The following MTHFD2L variants were observed in gnomAD, a reference collection of about 807,000 sequenced individuals.
The protein encoded by MTHFD2L is methylenetetrahydrofolate dehydrogenase (NADP+ dependent) 2 like.
MTHFD2L carries 29 observed loss-of-function variants against 34.9 expected under a neutral mutation model. The observed-to-expected ratio is 0.83, with a 90% confidence interval of 0.62 to 1.13. The LOEUF (loss-of-function observed/expected upper bound fraction) is 1.13, where lower values mean the gene tolerates loss of function less well. MTHFD2L is among the 50% of genes most tolerant of loss of function. The pLI is 0.00. For missense variants in MTHFD2L, 481 were observed against 446.5 expected, an observed-to-expected ratio of 1.08 and a Z score of -0.70; for synonymous variants, 167 against 155.7, an observed-to-expected ratio of 1.07 and a Z score of -0.54.
At chr4:74,206,851 G>A (rs916517465) in intron 5 of MTHFD2L, among the ~76,000 whole-genome samples, 1 of 152,096 alleles carries the variant, frequency 6.6e-6, no homozygotes, top group Admixed American at 6.6e-5. Flanking sequence ...GTTACTAACT[G>A]TCATAAGAGG....
At chr4:74,281,324 C>T (rs1012940806) in intron 6 of MTHFD2L, 101 bp from the exon 7 acceptor site, 49 of 867,568 alleles carry the variant, frequency 5.6e-5, no homozygotes, top group Admixed American at 1.3e-4. Context: ...ATTACACATA[C>T]GTGTGTGTGT....
At chr4:74,187,944 A>T (rs1731642598) in intron 3 of MTHFD2L, among the ~76,000 whole-genome samples, 1 of 152,220 alleles carries the variant, frequency 6.6e-6, no homozygotes, top group Non-Finnish European at 1.5e-5. Context: ...GTGATAACTA[A>T]AAACTAGAAA....
chr4:74,201,244 C>T lies in MTHFD2L; in HGVS notation c.605-19C>T. 6.3e-7 allele frequency: 1 copy of T among 1,594,526 alleles called. No homozygotes were observed. The highest frequency in any genetic ancestry group is 1.7e-5 in the Admixed American group (1 of 59,672). ...TCTTGTTGTCAATTCTGCATTTAAA[C>T]CGAACTCTGTATTTTAAGGAATTCA... On this transcript the variant is annotated intron_variant, in intron 4 of 7. Transcript: ENST00000325278.
In MTHFD2L at chr4:74,158,221, C is replaced by T; in HGVS notation, c.83C>T (p.Ser28Phe). The part of the protein sequence containing the change: ...APALGRSTAP[S>F]VRAPGEPGSA... ...GCGTTGGGCAGAAGCACAGCACCCTCCGTAAGGGCACCGGGAGAGCCCGGG... is the reference window on the plus strand; with the variant it reads ...GCGTTGGGCAGAAGCACAGCACCCTTCGTAAGGGCACCGGGAGAGCCCGGG... Residue 28 changes from serine (S) to phenylalanine (F), a missense_variant, in exon 1 of 8, where the codon TCC (serine) becomes TTC (phenylalanine). Ser to Phe is a radical substitution (Grantham distance 155, BLOSUM62 -2). Transcript: ENST00000325278. 1.3e-6 allele frequency: 2 copies of T among 1,508,656 alleles called. No homozygotes were observed. The highest frequency in any genetic ancestry group is 8.9e-7 in the Non-Finnish European group (1 of 1,129,198). The allele number at this position is 1,508,656 out of a possible 1,614,324, so 93.5% of individuals were successfully genotyped here.
At chr4:74,267,048 T>G (rs1032500816) in intron 6 of MTHFD2L, 1 of 985,398 alleles carries the variant, frequency 1.0e-6, no homozygotes, top group Non-Finnish European at 1.2e-6. Context: ...TCTTTTCAAC[T>G]AATATACCTC....
Position 74,118,145 on chromosome 4 carries a change from G to A in MTHFD2L, c.-144+3488G>A, listed in dbSNP as rs569735866. ...TGATTCTATTAAATAACATTATTAA[G>A]TTAATGAACAAATAATTAAGCTTAG... On this transcript the variant is annotated intron_variant and NMD_transcript_variant, in intron 2 of 9. Coordinates refer to the MTHFD2L transcript ENST00000429519. 5.3e-5 allele frequency among the ~76,000 whole-genome samples: 8 copies of A among 152,210 alleles called. 2 individuals are homozygous for A. The highest frequency in any genetic ancestry group is 1.7e-4 in the African/African-American group (7 of 41,532).
intron 3 of MTHFD2L, among the ~76,000 whole-genome samples, chr4:74,177,068 TCA>T (rs1012942084): frequency 6.6e-6 from 1 of 151,946 alleles, no homozygotes; most frequent in African/African-American, 2.4e-5. Flanking sequence ...TCAGAAGCTA[TCA>T]GTTTTCCCCC....
intron 2 of MTHFD2L, among the ~76,000 whole-genome samples, chr4:74,115,053 T>C (rs1182631314): frequency 6.6e-6 from 1 of 152,178 alleles, no homozygotes; most frequent in Admixed American, 6.5e-5. Context: ...TCACAGTAAG[T>C]GTTTTATTAA....
In MTHFD2L at chr4:74,117,592, T is replaced by C. The variant is rs113355528; in HGVS notation, c.-144+2935T>C. ...GTTATATGCAGGATCTATATATAGA[T>C]CAATAGCTTCCCTGAGCACATGTTC... On this transcript the variant is annotated intron_variant and NMD_transcript_variant, in intron 2 of 9. Transcript: ENST00000429519. 9.6e-3 allele frequency among the ~76,000 whole-genome samples: 1,460 copies of C among 152,296 alleles called. 19 individuals are homozygous for C. The highest frequency in any genetic ancestry group is 0.034 in the African/African-American group (1,393 of 41,554).
At chr4:74,175,832 CTAATT>C (rs958220194) in intron 3 of MTHFD2L, among the ~76,000 whole-genome samples, 18 of 151,984 alleles carry the variant, frequency 1.2e-4, no homozygotes, top group Non-Finnish European at 1.8e-4. Context: ...TTAGTACACT[CTAATT>C]TAAAACATTA....
intron 6 of MTHFD2L, among the ~76,000 whole-genome samples, chr4:74,232,421 C>G (rs982616142): frequency 6.6e-6 from 1 of 152,042 alleles, no homozygotes; most frequent in Non-Finnish European, 1.5e-5. Flanking sequence ...CTTTATCCAC[C>G]GTCCCAGTCT....
At chr4:74,301,659 A>G (rs1750343837) in intron 7 of MTHFD2L, 38 bp from the exon 8 acceptor site, 9 of 1,228,050 alleles carry the variant, frequency 7.3e-6, no homozygotes, top group Non-Finnish European at 8.1e-6. Context: ...CAGATATTTT[A>G]AAATAAAGAA....
intron 5 of MTHFD2L, among the ~76,000 whole-genome samples, chr4:74,203,734 G>A (rs931388997): frequency 6.6e-6 from 1 of 152,066 alleles, no homozygotes; most frequent in African/African-American, 2.4e-5. Context: ...CCATGATCCA[G>A]TTACCTCCCA....
intron 1 of MTHFD2L, among the ~76,000 whole-genome samples, chr4:74,172,212 A>C (rs1282661666): frequency 6.6e-6 from 1 of 152,206 alleles, no homozygotes; most frequent in Non-Finnish European, 1.5e-5. Context: ...AAAATTTTAA[A>C]GGTGCACCTG....
chr4:74,182,848 A>G (rs1730453661), intron 3 of MTHFD2L: 1 of 152,210 alleles, frequency 6.6e-6, no homozygotes, highest in Non-Finnish European at 1.5e-5. Flanking sequence ...TTTCTGTTGC[A>G]TTGTTCTTGG....
At chr4:74,281,400 G>T in intron 6 of MTHFD2L, 25 bp from the exon 7 acceptor site, 2 of 1,605,046 alleles carry the variant, frequency 1.2e-6, no homozygotes, top group South Asian at 2.2e-5. Context: ...TATGCTGAAG[G>T]ACAAACAACT....
At chr4:74,126,372 A>G (rs1310448695) in intron 1 of MTHFD2L, among the ~76,000 whole-genome samples, 1 of 152,162 alleles carries the variant, frequency 6.6e-6, no homozygotes, top group Non-Finnish European at 1.5e-5. Context: ...AAAGAAGATA[A>G]TTACTCAATT....
intron 7 of MTHFD2L, among the ~76,000 whole-genome samples, chr4:74,284,492 C>G (rs1747892240): frequency 1.3e-5 from 2 of 151,274 alleles, no homozygotes; most frequent in South Asian, 4.2e-4. Flanking sequence ...TGAGAAGTGT[C>G]CGTTAATATC....
chr4:74,156,051 C>T (rs574327389), upstream of MTHFD2L, among the ~76,000 whole-genome samples: 1 of 152,148 alleles, frequency 6.6e-6, no homozygotes, highest in East Asian at 1.9e-4. Flanking sequence ...ATTCTGATAA[C>T]ACTGCAGAAA....
Sources: allele counts gnomAD v4.1 joint callset (sites outside exome capture counted in the v4.1 genomes callset), GRCh38; gene constraint gnomAD v4.1.1; transcripts MANE v1.5; gene names NCBI Gene and HGNC (gene_info 2026-07-23, HGNC 2026-07-21).